RBM20: variants seen among roughly 807,000 people sequenced by gnomAD.
The protein encoded by RBM20 is RNA binding motif protein 20.
Under a neutral mutation model 110.1 loss-of-function variants are expected in RBM20, and 51 were observed. The observed-to-expected ratio is 0.46, with a 90% confidence interval of 0.37 to 0.59. RBM20 has a LOEUF of 0.59. RBM20 is among the 20% of genes least tolerant of loss of function. RBM20 has a pLI of 0.00. For missense variants in RBM20, 1,512 were observed against 1,574.9 expected (o/e 0.96, Z 0.68); for synonymous variants, 589 against 618.2 (o/e 0.95, Z 0.70).
intron 1 of RBM20, among the ~76,000 whole-genome samples, chr10:110,658,339 C>T (rs1361466951): frequency 6.6e-6 from 1 of 152,138 alleles, no homozygotes; most frequent in Non-Finnish European, 1.5e-5. Context: ...GAGTGAATGG[C>T]GCTGTGTTTT....
At chr10:110,732,070 A>G (rs1293929072) in intron 1 of RBM20, among the ~76,000 whole-genome samples, 1 of 152,172 alleles carries the variant, frequency 6.6e-6, no homozygotes, top group African/African-American at 2.4e-5. Context: ...AAACAATGCC[A>G]CTTTTTATCT....
At chr10:110,825,279 C>T (rs1844969310) in intron 12 of RBM20, among the ~76,000 whole-genome samples, 1 of 152,064 alleles carries the variant, frequency 6.6e-6, no homozygotes, top group South Asian at 2.1e-4. Flanking sequence ...TCTGGGGTAA[C>T]CAAGAAATAT....
intron 4 of RBM20, 129 bp from the exon 5 acceptor site, chr10:110,784,663 A>G: frequency 1.4e-6 from 1 of 733,376 alleles, no homozygotes; most frequent in Admixed American, 2.1e-5. Context: ...GTCCAGAGGT[A>G]CAATCATGCC....
At chr10:110,720,916 C>T (rs1010836290) in intron 1 of RBM20, among the ~76,000 whole-genome samples, 2 of 152,224 alleles carry the variant, frequency 1.3e-5, no homozygotes, top group Admixed American at 6.5e-5. Context: ...CCTTCACCTT[C>T]GTTTCCTCTC....
chr10:110,771,327 C>T (rs1334685310), intron 1 of RBM20, among the ~76,000 whole-genome samples: 1 of 151,994 alleles, frequency 6.6e-6, no homozygotes, highest in Non-Finnish European at 1.5e-5. Context: ...CCAGGTTTCG[C>T]CATGTTGGTC....
intron 1 of RBM20, among the ~76,000 whole-genome samples, chr10:110,728,519 G>T (rs1564827390): frequency 6.6e-6 from 1 of 152,130 alleles, no homozygotes; most frequent in Non-Finnish European, 1.5e-5. Context: ...ATGCCTCAGG[G>T]TCAAGGTGAG....
chr10:110,815,537 T>C (rs1844827215), intron 9 of RBM20, among the ~76,000 whole-genome samples: 1 of 152,158 alleles, frequency 6.6e-6, no homozygotes, highest in South Asian at 2.1e-4. Flanking sequence ...TGATGGATGA[T>C]GGGCAGAGAG....
At chr10:110,802,414 A>G (rs1382846270) in intron 7 of RBM20, among the ~76,000 whole-genome samples, 3 of 139,950 alleles carry the variant, frequency 2.1e-5, no homozygotes, top group Non-Finnish European at 3.1e-5. Flanking sequence ...TAATAAAAGT[A>G]TATTGCTTCT....
intron 1 of RBM20, among the ~76,000 whole-genome samples, chr10:110,770,683 A>C (rs562974051): frequency 6.6e-6 from 1 of 152,272 alleles, no homozygotes; most frequent in Non-Finnish European, 1.5e-5. Flanking sequence ...AAATTAATCC[A>C]AAATTCTTTC....
At chr10:110,818,495 C>T (rs1312434476) in intron 9 of RBM20, among the ~76,000 whole-genome samples, 1 of 152,096 alleles carries the variant, frequency 6.6e-6, no homozygotes, top group African/African-American at 2.4e-5. Flanking sequence ...GTTTCAGTCT[C>T]AGTCTGTGAG....
At chr10:110,825,073 C>T (rs1433379508) in intron 12 of RBM20, among the ~76,000 whole-genome samples, 1 of 151,548 alleles carries the variant, frequency 6.6e-6, no homozygotes, top group Non-Finnish European at 1.5e-5. Flanking sequence ...AAATTTGCTG[C>T]ACAGCATCTC....
intron 7 of RBM20, among the ~76,000 whole-genome samples, chr10:110,800,271 G>A (rs1457839134): frequency 1.3e-5 from 2 of 152,068 alleles, no homozygotes; most frequent in African/African-American, 2.4e-5. Context: ...CAGACCTTCA[G>A]TAACATTTTC....
Position 110,651,562 on chromosome 10 carries a change from G to A in RBM20, c.191+6917G>A, listed in dbSNP as rs1259553781. ...TAATAATTTTCATGTGTCTGAATTG[G>A]ATTGTGTTAAACACAGGCCAACAGG... On this transcript the variant is annotated intron_variant, in intron 1 of 13. Coordinates refer to ENST00000369519, the MANE Select transcript of RBM20 (RefSeq NM_001134363.3). Among the ~76,000 whole-genome samples the A allele has an allele frequency of 3.3e-5, 5 of 152,152 alleles. No individual in the cohort carries two copies. The South Asian group carries it at 1.0e-3, about 32-fold the overall frequency.
intron 1 of RBM20, among the ~76,000 whole-genome samples, chr10:110,663,363 T>A (rs145452138): frequency 6.6e-6 from 1 of 152,284 alleles, no homozygotes; most frequent in Non-Finnish European, 1.5e-5. Flanking sequence ...AGGGGGACGA[T>A]CTCCGTGTAC....
intron 1 of RBM20, among the ~76,000 whole-genome samples, chr10:110,703,222 CA>C (rs1862785560): frequency 6.6e-6 from 1 of 151,218 alleles, no homozygotes; most frequent in Admixed American, 6.6e-5. Context: ...ACTAAAAATA[CA>C]AAAAATGAGC....
chr10:110,807,820 A>G (rs1185051512), intron 7 of RBM20, among the ~76,000 whole-genome samples: 1 of 152,214 alleles, frequency 6.6e-6, no homozygotes, highest in Non-Finnish European at 1.5e-5. Flanking sequence ...GGGGAATTTT[A>G]TGTTCTGAAG....
intron 2 of RBM20, among the ~76,000 whole-genome samples, chr10:110,782,742 C>G (rs80256066): frequency 0.016 from 2,483 of 152,180 alleles, 73 homozygotes; most frequent in African/African-American, 0.055. Context: ...ACTGGGCTGT[C>G]CTGCCTCCCA....
intron 1 of RBM20, among the ~76,000 whole-genome samples, chr10:110,694,733 T>C (rs1178949632): frequency 1.3e-5 from 2 of 152,152 alleles, no homozygotes; most frequent in East Asian, 1.9e-4. Context: ...CAAACTGGAT[T>C]ATACCATAAG....
chr10:110,752,212 G>T (rs150987714), intron 1 of RBM20, among the ~76,000 whole-genome samples: 1 of 152,032 alleles, frequency 6.6e-6, no homozygotes, highest in African/African-American at 2.4e-5. Context: ...CCTTCTCCCC[G>T]CTAACCCCTG....
Sources: gnomAD v4.1 joint callset for allele counts (sites outside exome capture counted in the v4.1 genomes callset) on GRCh38, gnomAD v4.1.1 for gene constraint, MANE v1.5 for transcripts, NCBI Gene and HGNC (gene_info 2026-07-23, HGNC 2026-07-21) for gene names.